The following DLGAP2 variants were observed in gnomAD, a reference collection of about 807,000 sequenced individuals.
The protein encoded by DLGAP2 is DLG associated protein 2.
A neutral mutation model predicts 100.3 loss-of-function variants in DLGAP2; 26 were observed. That is an observed-to-expected ratio of 0.26 (90% CI 0.19 to 0.36). DLGAP2 has a LOEUF of 0.36. Ranked by LOEUF, DLGAP2 falls within the 10% of genes least tolerant of loss-of-function variation. DLGAP2 has a pLI of 1.00. For missense variants in DLGAP2, 1,858 were observed against 1,453.2 expected (o/e 1.28, Z -4.53); for synonymous variants, 886 against 630.1 (o/e 1.41, Z -6.08).
At chr8:1,061,604 C>T (rs1164580263) in intron 2 of DLGAP2, among the ~76,000 whole-genome samples, 2 of 152,094 alleles carry the variant, frequency 1.3e-5, no homozygotes, top group African/African-American at 2.4e-5. Context: ...CCAAGAGCAG[C>T]AGCAGCAGAA....
At chr8:1,174,914 G>C (rs991956083) in intron 2 of DLGAP2, among the ~76,000 whole-genome samples, 1 of 152,160 alleles carries the variant, frequency 6.6e-6, no homozygotes. Context: ...AGCTCTGAGA[G>C]AGCTTATGTT....
At chr8:1,614,355 C>G (rs1797080251) in intron 6 of DLGAP2, among the ~76,000 whole-genome samples, 1 of 152,240 alleles carries the variant, frequency 6.6e-6, no homozygotes, top group African/African-American at 2.4e-5. Flanking sequence ...CACGGAATTA[C>G]CAGCCACATT....
At chr8:1,565,048 TCAG>T (rs143243587) in intron 5 of DLGAP2, among the ~76,000 whole-genome samples, 3,473 of 152,346 alleles carry the variant, frequency 0.023, 129 homozygotes, top group African/African-American at 0.08. Flanking sequence ...GCACAGGTGA[TCAG>T]CTCTGTACCA....
chr8:951,656 G>T (rs1799483087), intron 2 of DLGAP2, among the ~76,000 whole-genome samples: 2 of 152,218 alleles, frequency 1.3e-5, no homozygotes, highest in South Asian at 2.1e-4. Context: ...TAACTCAGAA[G>T]ATGTGTACTG....
intron 6 of DLGAP2, among the ~76,000 whole-genome samples, chr8:1,612,769 C>A (rs1797021770): frequency 8.0e-6 from 1 of 124,456 alleles, no homozygotes; most frequent in African/African-American, 3.1e-5. Context: ...GACATTTATG[C>A]AGCCAAAAAA....
At chr8:1,674,465 A>G (rs1033054571) in intron 10 of DLGAP2, among the ~76,000 whole-genome samples, 3 of 152,364 alleles carry the variant, frequency 2.0e-5, no homozygotes, top group Non-Finnish European at 2.9e-5. Context: ...TAATGCTGCA[A>G]TGAACACCTC....
chr8:855,574 G>C (rs1797262064), intron 1 of DLGAP2, among the ~76,000 whole-genome samples: 1 of 152,190 alleles, frequency 6.6e-6, no homozygotes, highest in African/African-American at 2.4e-5. Flanking sequence ...GGATAGGTCT[G>C]TAAAACTGGT....
intron 2 of DLGAP2, among the ~76,000 whole-genome samples, chr8:1,096,263 A>C (rs1471105122): frequency 6.6e-6 from 1 of 152,224 alleles, no homozygotes; most frequent in East Asian, 1.9e-4. Context: ...TTATAAAATC[A>C]AGCCTTGCCA....
chr8:1,416,882 T>C (rs1796900690), intron 3 of DLGAP2, among the ~76,000 whole-genome samples: 1 of 152,156 alleles, frequency 6.6e-6, no homozygotes, highest in African/African-American at 2.4e-5. Context: ...TAAAACCTGT[T>C]CGTGTGAAAG....
chr8:1,407,491 T>C lies in DLGAP2; in HGVS notation c.107-93875T>C, dbSNP rs113688989. On this transcript the variant is annotated intron_variant, in intron 3 of 14. Coordinates refer to ENST00000637795, the MANE Select transcript of DLGAP2 (RefSeq NM_001346810.2). ...TCATCCTCCAGGGTAGTGTATTGAGTGCTTACTGAGCGCCACCTCCTCATC... is the reference window on the plus strand; with the variant it reads ...TCATCCTCCAGGGTAGTGTATTGAGCGCTTACTGAGCGCCACCTCCTCATC... 2.0e-3 allele frequency among the ~76,000 whole-genome samples: 298 copies of C among 145,472 alleles called. 3 individuals are homozygous for C. The highest frequency in any genetic ancestry group is 7.4e-3 in the African/African-American group (289 of 39,246).
intron 1 of DLGAP2, among the ~76,000 whole-genome samples, chr8:845,488 C>A (rs1477965384): frequency 6.6e-6 from 1 of 152,142 alleles, no homozygotes; most frequent in Non-Finnish European, 1.5e-5. Context: ...TATTAAGATC[C>A]TTTGCCCATT....
chr8:1,270,940 TAGTAA>T (rs1353279199), intron 3 of DLGAP2, among the ~76,000 whole-genome samples: 1 of 152,212 alleles, frequency 6.6e-6, no homozygotes, highest in East Asian at 1.9e-4. Context: ...ACCTGCTACT[TAGTAA>T]AACTGTTTCT....
chr8:1,622,731 A>G (rs1797378304), intron 6 of DLGAP2, among the ~76,000 whole-genome samples: 1 of 152,242 alleles, frequency 6.6e-6, no homozygotes, highest in Non-Finnish European at 1.5e-5. Context: ...TTAAAAAAAA[A>G]TTCTGAGCTA....
chr8:1,030,221 C>T (rs1245300638), intron 2 of DLGAP2, among the ~76,000 whole-genome samples: 1 of 150,986 alleles, frequency 6.6e-6, no homozygotes, highest in Non-Finnish European at 1.5e-5. Flanking sequence ...TACCTGAGAT[C>T]CAGATGTTCA....
intron 2 of DLGAP2, among the ~76,000 whole-genome samples, chr8:942,631 T>G (rs1050045457): frequency 4.6e-5 from 7 of 152,232 alleles, no homozygotes; most frequent in African/African-American, 1.7e-4. Context: ...CTTCACCTCT[T>G]CATCCTTCAT....
chr8:1,009,362 A>G (rs1000837600), intron 2 of DLGAP2, among the ~76,000 whole-genome samples: 35 of 152,218 alleles, frequency 2.3e-4, no homozygotes, highest in Admixed American at 2.2e-3. Flanking sequence ...TTTTTCTATA[A>G]TGGTTTATTT....
chr8:1,530,992 G>A (rs1020390878), intron 4 of DLGAP2, among the ~76,000 whole-genome samples: 1 of 152,128 alleles, frequency 6.6e-6, no homozygotes, highest in Non-Finnish European at 1.5e-5. Flanking sequence ...AAATGGTTAG[G>A]TACAAAAATT....
At chr8:782,071 A>C (rs1414806603) in intron 1 of DLGAP2, among the ~76,000 whole-genome samples, 4 of 152,192 alleles carry the variant, frequency 2.6e-5, no homozygotes, top group Admixed American at 1.3e-4. Context: ...TGGAAGAGAA[A>C]AATTTGAATG....
intron 2 of DLGAP2, among the ~76,000 whole-genome samples, chr8:939,955 C>T (rs1299896082): frequency 6.6e-6 from 1 of 151,948 alleles, no homozygotes; most frequent in Non-Finnish European, 1.5e-5. Context: ...CACGTACAGG[C>T]TCCTGAGAGC....
Sources: gnomAD v4.1 joint callset for allele counts (sites outside exome capture counted in the v4.1 genomes callset) on GRCh38, gnomAD v4.1.1 for gene constraint, MANE v1.5 for transcripts, NCBI Gene and HGNC (gene_info 2026-07-23, HGNC 2026-07-21) for gene names.